SLC12A1: variants seen among roughly 807,000 people sequenced by gnomAD.
SLC12A1 encodes the protein Na-K-2Cl cotransporter.
Under a neutral mutation model 130.4 loss-of-function variants are expected in SLC12A1, and 89 were observed. That is an observed-to-expected ratio of 0.68 (90% CI 0.58 to 0.81). SLC12A1 has a LOEUF of 0.81. Among genes scored for constraint, SLC12A1 ranks in the 40% least tolerant of loss-of-function variants. The pLI, the probability that SLC12A1 is intolerant of heterozygous loss-of-function variation, is 0.00. For missense variants in SLC12A1, 1,310 were observed against 1,336.4 expected (o/e 0.98, Z 0.31); for synonymous variants, 499 against 460.0 (o/e 1.08, Z -1.09).
intron 9 of SLC12A1, chr15:48,235,275 A>G (rs540745653): frequency 4.0e-4 from 167 of 412,614 alleles, no homozygotes; most frequent in African/African-American, 3.1e-3. Flanking sequence ...AATGTAGTTC[A>G]GTGAAAAAAA....
rs777455030 is a variant in SLC12A1 at position 48,288,402 on chromosome 15, C to T, written c.2762-3C>T. ...TTGTGTCATAATTTATTCTTTATTCCAGGGTTAACACTTCTTATCCCCTAT... is the reference window on the plus strand; with the variant it reads ...TTGTGTCATAATTTATTCTTTATTCTAGGGTTAACACTTCTTATCCCCTAT... On this transcript the variant is annotated splice_polypyrimidine_tract_variant and splice_region_variant and intron_variant, in intron 22 of 26. Coordinates refer to ENST00000380993, the MANE Select transcript of SLC12A1 (RefSeq NM_000338.3). 1 of 1,394,754 alleles carries T rather than the reference C, an allele frequency of 7.2e-7. No individual in the cohort carries two copies. The allele number at this position is 1,394,754 out of a possible 1,614,324, so 86.4% of individuals were successfully genotyped here.
chr15:48,226,976 G>C (rs1204370896), intron 5 of SLC12A1: 1 of 731,236 alleles, frequency 1.4e-6, no homozygotes, highest in African/African-American at 1.8e-5. Context: ...GTTTTCACAG[G>C]GAGGTGGATC....
chr15:48,248,643 A>G (rs1300620604), intron 13 of SLC12A1, among the ~76,000 whole-genome samples: 1 of 152,236 alleles, frequency 6.6e-6, no homozygotes, highest in Admixed American at 6.5e-5. Context: ...AGGGTGATAG[A>G]TGTCTGACCT....
intron 2 of SLC12A1, among the ~76,000 whole-genome samples, chr15:48,214,453 T>G (rs904443815): frequency 1.3e-5 from 2 of 152,190 alleles, no homozygotes; most frequent in Admixed American, 6.5e-5. Flanking sequence ...AAAACACAAG[T>G]CAATTTGTGT....
chr15:48,234,299 G>A (rs1273152438), intron 8 of SLC12A1, among the ~76,000 whole-genome samples: 2 of 152,022 alleles, frequency 1.3e-5, no homozygotes, highest in Middle Eastern at 3.2e-3. Context: ...AAAAAGTCAG[G>A]CAGCCTGGAT....
intron 24 of SLC12A1, among the ~76,000 whole-genome samples, chr15:48,298,072 T>A (rs1736611634): frequency 6.6e-6 from 1 of 152,240 alleles, no homozygotes; most frequent in South Asian, 2.1e-4. Flanking sequence ...ACAATCCTGC[T>A]CCTTTGTAAT....
At position 48,285,114 on chromosome 15, in the gene SLC12A1, G is replaced by C. The variant is rs2042043525; in HGVS notation, c.2494G>C (p.Glu832Gln). Residue 832 changes from glutamate (E) to glutamine (Q), a missense_variant, in exon 21 of 27, where the codon GAG becomes CAG. Glu to Gln is a conservative substitution (Grantham distance 29, BLOSUM62 2). Coordinates refer to ENST00000380993, the MANE Select transcript of SLC12A1 (RefSeq NM_000338.3). ...SQVLQVQEELERLEQERLALE... is the reference protein window; with the variant it reads ...SQVLQVQEELQRLEQERLALE... ...TTGTCTTCTTTCATCAGAGGAATTA[G>C]AGAGATTAGAACAGGAGAGACTAGC... 6.3e-7 allele frequency: 1 copy of C among 1,596,396 alleles called. No homozygotes were observed. The highest frequency in any genetic ancestry group is 1.3e-5 in the African/African-American group (1 of 74,152).
intron 17 of SLC12A1, among the ~76,000 whole-genome samples, chr15:48,264,775 A>T (rs2041814273): frequency 6.6e-6 from 1 of 152,200 alleles, no homozygotes; most frequent in Non-Finnish European, 1.5e-5. Context: ...CACTTGGTGA[A>T]TTCCTCTGTT....
intron 9 of SLC12A1, 78 bp downstream of exon 9, chr15:48,235,082 G>A (rs569311944): frequency 2.1e-6 from 3 of 1,407,030 alleles, no homozygotes; most frequent in Non-Finnish European, 3.0e-6. Context: ...AGAGAGGTTA[G>A]ATGTGACCAT....
At chr15:48,253,977 G>A (rs538355503) in intron 15 of SLC12A1, among the ~76,000 whole-genome samples, 25 of 152,032 alleles carry the variant, frequency 1.6e-4, no homozygotes, top group South Asian at 6.2e-4. Flanking sequence ...TAAATCTTTC[G>A]CTCATTTTTT....
At chr15:48,260,594 A>C (rs549344982) in intron 17 of SLC12A1, among the ~76,000 whole-genome samples, 2 of 152,190 alleles carry the variant, frequency 1.3e-5, no homozygotes, top group African/African-American at 4.8e-5. Context: ...ACTGGATCAC[A>C]TGACAAGAAA....
At position 48,247,357 on chromosome 15, in the gene SLC12A1, C is replaced by A; in HGVS notation, c.1581C>A (p.Ile527=). The part of the protein sequence containing the change: ...KVFQALCKDN[I]YKALQFFAKG... The stretch of plus-strand genomic sequence containing the variant: ...ATTAGGCTCTGTGCAAGGACAACAT[C>A]TACAAAGCCCTGCAGTTTTTTGCAA... Residue 527 remains isoleucine (I), a synonymous_variant, in exon 13 of 27, where the codon ATC becomes ATA. Coordinates refer to ENST00000380993, the MANE Select transcript of SLC12A1 (RefSeq NM_000338.3). 3 of 1,613,294 alleles carry A rather than the reference C, an allele frequency of 1.9e-6. No homozygotes were observed. The highest frequency in any genetic ancestry group is 2.5e-6 in the Non-Finnish European group (3 of 1,179,662).
chr15:48,272,373 T>TA, intron 19 of SLC12A1, among the ~76,000 whole-genome samples: 1 of 152,330 alleles, frequency 6.6e-6, no homozygotes, highest in Admixed American at 6.5e-5. Flanking sequence ...TTTCTTTGAA[T>TA]AAAAGATTTT....
At chr15:48,288,298 A>G in intron 22 of SLC12A1, 107 bp from the exon 23 acceptor site, 2 of 1,157,638 alleles carry the variant, frequency 1.7e-6, no homozygotes. Flanking sequence ...TCCAAAGACT[A>G]TAACTTAATT....
intron 2 of SLC12A1, among the ~76,000 whole-genome samples, chr15:48,210,693 T>TAAA (rs34235092): frequency 1.6e-5 from 2 of 122,636 alleles, no homozygotes; most frequent in Admixed American, 8.3e-5. Flanking sequence ...CTTCTCTACT[T>TAAA]AAAAAAAAAA....
At chr15:48,262,335 T>C (rs764404288) in intron 17 of SLC12A1, among the ~76,000 whole-genome samples, 1 of 152,192 alleles carries the variant, frequency 6.6e-6, no homozygotes, top group Non-Finnish European at 1.5e-5. Flanking sequence ...GTAGAACTCA[T>C]TGGCATTTTG....
At position 48,230,458 on chromosome 15, in the gene SLC12A1, G is replaced by A; in HGVS notation, c.930G>A (p.Val310=). The change falls in exon 7 of 27, where the codon GTG becomes GTA. Residue 310 remains valine (V), a synonymous_variant. Coordinates refer to ENST00000380993, the MANE Select transcript of SLC12A1 (RefSeq NM_000338.3). ...DIRIIGSITV[V]ILLGISVAGM... is the part of the protein sequence containing the mutation. ...GGATTATAGGCTCCATCACAGTGGT[G>A]ATTCTTCTAGGAATTTCAGTAGCTG... is the stretch of plus-strand genomic sequence containing the variant. 1 of 1,612,934 alleles carries A rather than the reference G, an allele frequency of 6.2e-7. No individual in the cohort carries two copies. Among genetic ancestry groups the A allele is most frequent in the Non-Finnish European group, 8.5e-7 (1 of 1,179,522 alleles).
intron 19 of SLC12A1, among the ~76,000 whole-genome samples, chr15:48,271,925 AG>A (rs1235294105): frequency 3.3e-4 from 50 of 152,334 alleles, no homozygotes; most frequent in African/African-American, 1.2e-3. Flanking sequence ...GGGGAACAAA[AG>A]GGATGGAGGA....
intron 16 of SLC12A1, among the ~76,000 whole-genome samples, chr15:48,258,244 C>T (rs2041730933): frequency 9.4e-6 from 1 of 106,394 alleles, no homozygotes; most frequent in Non-Finnish European, 1.7e-5. Flanking sequence ...GCCTGTAGTC[C>T]CAGCTACTTG....
Sources: allele counts gnomAD v4.1 joint callset (sites outside exome capture counted in the v4.1 genomes callset), GRCh38; gene constraint gnomAD v4.1.1; transcripts MANE v1.5; gene names NCBI Gene and HGNC (gene_info 2026-07-23, HGNC 2026-07-21).